The following AMZ1 variants were observed in gnomAD, a reference collection of about 807,000 sequenced individuals.
AMZ1 encodes archaemetzincin-1.
Under a neutral mutation model 29.9 loss-of-function variants are expected in AMZ1, and 39 were observed. The observed-to-expected ratio is 1.30, with a 90% CI of 1.01 to 1.70. The LOEUF is 1.70. Ranked by LOEUF, AMZ1 falls within the 40% of genes most tolerant of loss-of-function variation. The pLI is 0.00. For synonymous variants in AMZ1, 458 were observed against 304.0 expected (o/e 1.51, Z -5.27); for missense variants, 1,041 against 680.6 (o/e 1.53, Z -5.89).
rs1027669951 is a variant in AMZ1, at chr7:2,717,617, G to T, written c.*4739G>T. On this transcript the variant is annotated 3_prime_UTR_variant, in exon 7 of 7. Transcript: ENST00000683327. Reference sequence around the variant, plus strand: ...GCTCTTGGAACACGAGGCTGTCAAAGATAAACACCGCAGGGTAATCTAGGA... The same window carrying T: ...GCTCTTGGAACACGAGGCTGTCAAATATAAACACCGCAGGGTAATCTAGGA... 6.6e-6 allele frequency among the ~76,000 whole-genome samples: 1 copy of T among 152,202 alleles called. No homozygotes were observed.
At chr7:2,721,560 CA>C (rs1554252561), downstream of AMZ1, among the ~76,000 whole-genome samples, 2 of 152,000 alleles carry the variant, frequency 1.3e-5, no homozygotes, top group Non-Finnish European at 2.9e-5. Flanking sequence ...ACTAAAAATA[CA>C]AAAAATTAGC....
At chr7:2,764,654 G>A (rs979356418) in exon 1 of AMZ1, 1 of 152,214 alleles carries the variant, frequency 6.6e-6, no homozygotes, top group South Asian at 2.1e-4. Flanking sequence ...GGCTGCCCTC[G>A]AGGTGGGGTT....
upstream of AMZ1, among the ~76,000 whole-genome samples, chr7:2,683,832 G>A (rs1786974240): frequency 6.6e-6 from 1 of 151,968 alleles, no homozygotes; most frequent in Admixed American, 6.5e-5. Context: ...TTCCCAAAGT[G>A]TTGGAGATTA....
intron 4 of AMZ1, among the ~76,000 whole-genome samples, chr7:2,751,486 C>G (rs1407757930): frequency 4.0e-5 from 6 of 150,004 alleles, no homozygotes; most frequent in Admixed American, 1.3e-4. Flanking sequence ...TAATGAAGAG[C>G]TCTTTAAACT....
chr7:2,731,923 A>T lies in AMZ1; in HGVS notation n.550+22107A>T, dbSNP rs1789918485. 6.6e-6 allele frequency among the ~76,000 whole-genome samples: 1 copy of T among 152,228 alleles called. No individual in the cohort carries two copies. Among genetic ancestry groups the T allele is most frequent in the Non-Finnish European group, 1.5e-5 (1 of 68,032 alleles). On this transcript the variant is annotated intron_variant and non_coding_transcript_variant, in intron 4 of 4. Transcript: ENST00000489665. The surrounding 1 kb of genome is among the most constrained non-coding windows in gnomAD (Gnocchi z 6.0). ...ACATTATCAACTGGCCGTGAAACAG[A>T]AAGAATCAAATACTTCATTTCAAAA...
In AMZ1 at chr7:2,713,007, A is replaced by G. The variant is rs1169012390; in HGVS notation, c.*129A>G. Reference sequence around the variant, plus strand: ...GCCTGGGTGGTGGCTCAGGCCTGTCATCCCATCACTTTGAGAGGCCAGGAG... The same window carrying G: ...GCCTGGGTGGTGGCTCAGGCCTGTCGTCCCATCACTTTGAGAGGCCAGGAG... On this transcript the variant is annotated 3_prime_UTR_variant, in exon 7 of 7. Transcript: ENST00000683327. 2.0e-5 allele frequency: 21 copies of G among 1,060,034 alleles called. No individual in the cohort carries two copies. In the East Asian group the frequency reaches 6.5e-4, roughly 33 times the overall value. The allele number at this position is 1,060,034 out of a possible 1,614,324, so 65.7% of individuals were successfully genotyped here.
At position 2,712,587 on chromosome 7, in the gene AMZ1, G is replaced by A; in HGVS notation, c.1206G>A (p.Glu402=). The change falls in exon 7 of 7, where the codon GAG becomes GAA. Residue 402 remains glutamate, a synonymous_variant. Transcript: ENST00000683327. ...EAPLPPGGPA[E]AIKEHERWLA... ...CGCTGCCACCTGGGGGCCCTGCGGA[G>A]GCCATCAAGGAGCATGAACGGTGGC... is the stretch of plus-strand genomic sequence containing the variant. The A allele has an allele frequency of 6.2e-7, 1 of 1,612,394 alleles. No homozygotes were observed. The highest frequency in any genetic ancestry group is 8.5e-7 in the Non-Finnish European group (1 of 1,179,634).
In AMZ1 at chr7:2,731,132, G is replaced by T; in HGVS notation, n.550+21316G>T. 1 of 1,295,986 alleles carries T rather than the reference G, an allele frequency of 7.7e-7. No homozygotes were observed. 80.3% of individuals were successfully genotyped at this position (1,295,986 alleles called of 1,614,324 possible). A position where few individuals can be genotyped will look rare whatever the true frequency, so the allele number is the denominator to read the frequency against. ...ACAACACACACCCAAGAGTCTGACC[G>T]ACAGCCGTGGGGGCTGCTCAACGAC... On this transcript the variant is annotated intron_variant and non_coding_transcript_variant, in intron 4 of 4. Coordinates refer to the AMZ1 transcript ENST00000489665. The surrounding 1 kb of genome is among the most constrained non-coding windows in gnomAD (Gnocchi z 6.0).
chr7:2,688,594 G>T (rs1440904683), intron 1 of AMZ1, among the ~76,000 whole-genome samples: 1 of 152,228 alleles, frequency 6.6e-6, no homozygotes, highest in African/African-American at 2.4e-5. Flanking sequence ...CCAGGCCAGG[G>T]CGACCTGCGC....
Position 2,731,776 on chromosome 7 carries a change from A to G in AMZ1, n.550+21960A>G. ...CTGTAAAATACAGGATGAGGCAGAA[A>G]TTTAGGGGGAGGAAGAAAGAACAGA... is the stretch of plus-strand genomic sequence containing the variant. On this transcript the variant is annotated intron_variant and non_coding_transcript_variant, in intron 4 of 4. Coordinates refer to the AMZ1 transcript ENST00000489665. The surrounding 1 kb of genome is among the most constrained non-coding windows in gnomAD (Gnocchi z 6.0). The G allele has an allele frequency of 2.5e-5, 30 of 1,182,912 alleles. No individual in the cohort carries two copies. The highest frequency in any genetic ancestry group is 3.4e-5 in the Non-Finnish European group (29 of 856,416). 73.3% of individuals were successfully genotyped at this position (1,182,912 alleles called of 1,614,324 possible).
In AMZ1 at chr7:2,731,281, T is replaced by C; in HGVS notation, n.550+21465T>C. 6.2e-7 allele frequency: 1 copy of C among 1,607,324 alleles called. No individual in the cohort carries two copies. Among genetic ancestry groups the C allele is most frequent in the Non-Finnish European group, 8.5e-7 (1 of 1,177,246 alleles). On this transcript the variant is annotated intron_variant and non_coding_transcript_variant, in intron 4 of 4. Coordinates refer to the AMZ1 transcript ENST00000489665. The surrounding 1 kb of genome is among the most constrained non-coding windows in gnomAD (Gnocchi z 6.0). ...CTCGGTGTCGATGGCGGTGGTGAAG[T>C]GGTGGAAGAGTGGCTTGCTGCGGTT...
chr7:2,736,815 T>G (rs1790205413), intron 4 of AMZ1, among the ~76,000 whole-genome samples: 1 of 152,236 alleles, frequency 6.6e-6, no homozygotes, highest in Admixed American at 6.5e-5. Context: ...CCGTCACCTC[T>G]GTCTCTGCAC....
At chr7:2,690,152 C>G (rs1043644419) in intron 1 of AMZ1, among the ~76,000 whole-genome samples, 1 of 152,144 alleles carries the variant, frequency 6.6e-6, no homozygotes, top group Non-Finnish European at 1.5e-5. Context: ...TAGCTTGGAG[C>G]CTGTCACACC....
chr7:2,725,357 A>G (rs1337299414), intron 4 of AMZ1, among the ~76,000 whole-genome samples: 2 of 152,162 alleles, frequency 1.3e-5, no homozygotes, highest in Non-Finnish European at 2.9e-5. Context: ...GCGCGAGGGG[A>G]AGGGCGAAGG....
At chr7:2,695,187 T>C (rs890127992) in intron 1 of AMZ1, among the ~76,000 whole-genome samples, 3 of 152,176 alleles carry the variant, frequency 2.0e-5, no homozygotes, top group Non-Finnish European at 2.9e-5. Flanking sequence ...GTCCTGTCCA[T>C]CGTCTGTGCA....
chr7:2,737,263 A>AGTTTT lies in AMZ1; in HGVS notation n.551-27438_551-27434dup, dbSNP rs569069278. On this transcript the variant is annotated intron_variant and non_coding_transcript_variant, in intron 4 of 4. Transcript: ENST00000489665. ...TCTGCCCATTCAGGAGCTATCTCACAGTTTTGTTTTGTTTTTTTTTTTTTT... is the reference window on the plus strand; with the variant it reads ...TCTGCCCATTCAGGAGCTATCTCACAGTTTTGTTTTGTTTTGTTTTTTTTTTTTTT... Among the ~76,000 whole-genome samples the AGTTTT allele has an allele frequency of 5.9e-4, 47 of 79,582 alleles. 1 individual carries two copies. Among genetic ancestry groups the AGTTTT allele is most frequent in the East Asian group, 1.7e-3 (4 of 2,332 alleles). 52.2% of individuals were successfully genotyped at this position (79,582 alleles called of 152,430 possible). A position where few individuals can be genotyped will look rare whatever the true frequency, so the allele number is the denominator to read the frequency against.
chr7:2,747,709 T>A (rs953101997), intron 4 of AMZ1, among the ~76,000 whole-genome samples: 3 of 152,118 alleles, frequency 2.0e-5, no homozygotes, highest in Non-Finnish European at 4.4e-5. Context: ...GGTATTCAAT[T>A]AGGAAAAGAG....
At chr7:2,745,751 C>G (rs2115344633) in intron 4 of AMZ1, among the ~76,000 whole-genome samples, 2 of 152,296 alleles carry the variant, frequency 1.3e-5, no homozygotes, top group Middle Eastern at 6.8e-3. Context: ...CAAGACCCAT[C>G]AGTGTGCTGT....
chr7:2,715,507 C>G lies in AMZ1; in HGVS notation c.*2629C>G, dbSNP rs762833975. 5.3e-5 allele frequency: 8 copies of G among 152,202 alleles called. No homozygotes were observed. Among genetic ancestry groups the G allele is most frequent in the African/African-American group, 1.9e-4 (8 of 41,440 alleles). 9.4% of individuals were successfully genotyped at this position (152,202 alleles called of 1,614,324 possible). ...CCAAAGCCTCGGCGCTCTCTGTACC[C>G]GTGTCCTTTGACCCTCAGCTGTGAT... On this transcript the variant is annotated 3_prime_UTR_variant, in exon 7 of 7. Transcript: ENST00000683327.
Sources: allele counts gnomAD v4.1 joint callset (sites outside exome capture counted in the v4.1 genomes callset), GRCh38; gene constraint gnomAD v4.1.1; non-coding constraint Gnocchi (gnomAD v3.1); transcripts MANE v1.5; gene names NCBI Gene and HGNC (gene_info 2026-07-23, HGNC 2026-07-21).